The following ZNF407 variants were observed in gnomAD, a reference collection of about 807,000 sequenced individuals.
ZNF407 encodes the protein zinc finger protein 407.
Under a neutral mutation model 131.2 loss-of-function variants are expected in ZNF407, and 17 were observed. The observed-to-expected ratio is 0.13, with a 90% CI of 0.09 to 0.19. The LOEUF (loss-of-function observed/expected upper bound fraction) is 0.19, where lower values mean the gene tolerates loss of function less well. ZNF407 is among the 10% of genes least tolerant of loss of function. The probability of loss-of-function intolerance (pLI) is 1.00; values close to 1 mark genes in which losing one functional copy is unlikely to be tolerated. For synonymous variants in ZNF407, 1,156 were observed against 1,062.0 expected (o/e 1.09, Z -1.72); for missense variants, 2,681 against 2,830.6 (o/e 0.95, Z 1.20).
At chr18:75,043,144 A>C (rs1973393170) in intron 8 of ZNF407, among the ~76,000 whole-genome samples, 1 of 152,126 alleles carries the variant, frequency 6.6e-6, no homozygotes, top group South Asian at 2.1e-4. Flanking sequence ...AGTTCATGAG[A>C]GCTCCAGGTG....
chr18:74,644,868 C>CT (rs952830435), intron 3 of ZNF407, among the ~76,000 whole-genome samples: 9 of 151,288 alleles, frequency 5.9e-5, no homozygotes, highest in Admixed American at 2.0e-4. Context: ...TTAGTTTGTA[C>CT]TTTTTTTTTC....
chr18:74,661,569 T>C (rs1476373294), intron 3 of ZNF407, among the ~76,000 whole-genome samples: 1 of 151,962 alleles, frequency 6.6e-6, no homozygotes, highest in Non-Finnish European at 1.5e-5. Flanking sequence ...AATTTAAGTG[T>C]TTCCACATTT....
In ZNF407 at chr18:74,771,415, G is replaced by C. The variant is rs1273267904; in HGVS notation, c.4803-10013G>C. Among the ~76,000 whole-genome samples the C allele has an allele frequency of 3.9e-5, 6 of 152,158 alleles. No individual in the cohort carries two copies. In the South Asian group the frequency reaches 1.2e-3, roughly 32 times the overall value. ...ATTTAACATGCTCATTAATAGGTAA[G>C]AGAAGTAGGTGAGAAAAATTCTTTC... On this transcript the variant is annotated intron_variant, in intron 3 of 8. Coordinates refer to ENST00000299687, the MANE Select transcript of ZNF407 (RefSeq NM_017757.3).
At chr18:75,062,260 T>C (rs1226994196) in intron 8 of ZNF407, 2 of 152,292 alleles carry the variant, frequency 1.3e-5, no homozygotes, top group African/African-American at 2.4e-5. Context: ...TTTCCCTGAA[T>C]ATTCTTTCCT....
In ZNF407 at chr18:74,964,580, GT is replaced by G. The variant is rs35373107; in HGVS notation, c.5428+43908del. On this transcript the variant is annotated intron_variant, in intron 8 of 8. Coordinates refer to ENST00000299687, the MANE Select transcript of ZNF407 (RefSeq NM_017757.3). ...CTTGATTCAACAACCTATCATCCGG[GT>G]TTTTTTTTTTTTTTTTTTTGGGTCT... 8.0e-3 allele frequency among the ~76,000 whole-genome samples: 953 copies of G among 118,594 alleles called. 2 individuals are homozygous for G. The highest frequency in any genetic ancestry group is 8.8e-3 in the Non-Finnish European group (503 of 57,052). 77.8% of individuals were successfully genotyped at this position (118,594 alleles called of 152,430 possible).
chr18:75,055,418 C>A (rs1018987364), intron 8 of ZNF407, among the ~76,000 whole-genome samples: 1 of 152,202 alleles, frequency 6.6e-6, no homozygotes, highest in Non-Finnish European at 1.5e-5. Flanking sequence ...CTCTCCACCC[C>A]ACAAAGCCCG....
intron 8 of ZNF407, among the ~76,000 whole-genome samples, chr18:74,925,372 A>G (rs1157094815): frequency 2.0e-5 from 3 of 152,194 alleles, no homozygotes; most frequent in Non-Finnish European, 2.9e-5. Flanking sequence ...CTTCCCATTT[A>G]TAAGAATAAG....
At chr18:74,752,360 CA>C (rs745500139) in intron 3 of ZNF407, among the ~76,000 whole-genome samples, 3 of 152,170 alleles carry the variant, frequency 2.0e-5, no homozygotes, top group African/African-American at 4.8e-5. Context: ...TTTTGCTGTG[CA>C]GAAGCTCTTT....
chr18:74,835,950 C>G (rs925658187), intron 4 of ZNF407, among the ~76,000 whole-genome samples: 5 of 148,642 alleles, frequency 3.4e-5, no homozygotes, highest in Non-Finnish European at 7.4e-5. Context: ...CTGAATGTAT[C>G]GCAGGCTAGT....
chr18:74,616,966 C>T (rs1169462041), intron 1 of ZNF407, among the ~76,000 whole-genome samples: 13 of 117,186 alleles, frequency 1.1e-4, no homozygotes, highest in East Asian at 4.9e-4. Flanking sequence ...TCCATATCCA[C>T]GCACCACACA....
At chr18:74,660,628 A>C (rs940357521) in intron 3 of ZNF407, among the ~76,000 whole-genome samples, 2 of 152,142 alleles carry the variant, frequency 1.3e-5, no homozygotes, top group Non-Finnish European at 2.9e-5. Context: ...TATAAAATTC[A>C]TATTCCTTTC....
chr18:74,945,431 A>G (rs1169086834), intron 8 of ZNF407, among the ~76,000 whole-genome samples: 3 of 152,106 alleles, frequency 2.0e-5, no homozygotes, highest in African/African-American at 7.2e-5. Flanking sequence ...CAGCTCGCCC[A>G]TTTTATTGTG....
At position 74,698,101 on chromosome 18, in the gene ZNF407, C is replaced by T. The variant is rs766660793; in HGVS notation, c.4802+56979C>T. 5.9e-5 allele frequency among the ~76,000 whole-genome samples: 9 copies of T among 152,152 alleles called. No individual in the cohort carries two copies. In the South Asian group the frequency reaches 6.2e-4, roughly 11 times the overall value. ...CATTCAATTGACATCATCCTAAAAG[C>T]GATCTATTATTTTATTTGATAAGAT... On this transcript the variant is annotated intron_variant, in intron 3 of 8. Coordinates refer to ENST00000299687, the MANE Select transcript of ZNF407 (RefSeq NM_017757.3).
intron 3 of ZNF407, among the ~76,000 whole-genome samples, chr18:74,708,057 A>G (rs1967668471): frequency 6.6e-6 from 1 of 152,208 alleles, no homozygotes; most frequent in African/African-American, 2.4e-5. Context: ...TTGGTAAATT[A>G]CTATTGTGCA....
chr18:74,754,215 A>G (rs1407727873), intron 3 of ZNF407, among the ~76,000 whole-genome samples: 4 of 151,836 alleles, frequency 2.6e-5, no homozygotes, highest in Admixed American at 1.3e-4. Context: ...TTTTTTTATT[A>G]CATCTATTTG....
At chr18:74,813,018 G>C (rs563265761) in intron 4 of ZNF407, among the ~76,000 whole-genome samples, 1 of 152,008 alleles carries the variant, frequency 6.6e-6, no homozygotes, top group Non-Finnish European at 1.5e-5. Flanking sequence ...GGTCATCATA[G>C]TTCTTTCAAG....
chr18:74,848,091 C>T (rs746181288), intron 4 of ZNF407, among the ~76,000 whole-genome samples: 6 of 152,020 alleles, frequency 3.9e-5, no homozygotes, highest in East Asian at 1.9e-4. Context: ...TATTTTATAG[C>T]GTGACAAACC....
Position 74,745,975 on chromosome 18 carries a change from G to T in ZNF407, c.4803-35453G>T, listed in dbSNP as rs570435362. ...ACAGTCATGTGCTGATAAATGATGG[G>T]GATATGTTCTGAGAAATGAGTTAGG... On this transcript the variant is annotated intron_variant, in intron 3 of 8. Transcript: ENST00000299687. Among the ~76,000 whole-genome samples, 21 of 152,166 alleles carry T rather than the reference G, an allele frequency of 1.4e-4. No individual in the cohort carries two copies. In the South Asian group the frequency reaches 4.2e-3, roughly 30 times the overall value.
At chr18:74,750,844 CTTG>C (rs993736781) in intron 3 of ZNF407, among the ~76,000 whole-genome samples, 6 of 152,076 alleles carry the variant, frequency 3.9e-5, no homozygotes, top group Admixed American at 3.3e-4. Context: ...CTCAACAAGA[CTTG>C]TTGTTTGTCT....
Sources: gnomAD v4.1 joint callset for allele counts (sites outside exome capture counted in the v4.1 genomes callset) on GRCh38, gnomAD v4.1.1 for gene constraint, MANE v1.5 for transcripts, NCBI Gene and HGNC (gene_info 2026-07-23, HGNC 2026-07-21) for gene names.